Variants in NUMA1 observed in about 807,000 individuals in gnomAD.
NUMA1 encodes the protein nuclear mitotic apparatus protein 1.
Under a neutral mutation model 237.1 loss-of-function variants are expected in NUMA1, and 62 were observed. The ratio of observed to expected loss-of-function variants is 0.26; its 90% CI spans 0.21 to 0.32. NUMA1 has a LOEUF of 0.32. Among genes scored for constraint, NUMA1 ranks in the 10% least tolerant of loss-of-function variants. The pLI, the probability that NUMA1 is intolerant of heterozygous loss-of-function variation, is 1.00. For synonymous variants in NUMA1, 1,028 were observed against 1,066.1 expected (o/e 0.96, Z 0.70); for missense variants, 2,533 against 2,666.5 (o/e 0.95, Z 1.10).
intron 20 of NUMA1, chr11:72,008,335 C>T (rs1042626291): frequency 1.5e-5 from 6 of 396,066 alleles, no homozygotes; most frequent in Admixed American, 7.4e-5. Context: ...TCCTCAATGC[C>T]TTTAGGATCA....
chr11:72,010,575 G>A (rs1401046051), intron 17 of NUMA1, among the ~76,000 whole-genome samples: 1 of 152,238 alleles, frequency 6.6e-6, no homozygotes. Flanking sequence ...GAAGTGGACA[G>A]TGACAGTTGA....
At chr11:72,009,217 GA>G in intron 18 of NUMA1, 32 bp from the exon 19 acceptor site, 2 of 1,562,326 alleles carry the variant, frequency 1.3e-6, no homozygotes, top group Non-Finnish European at 8.7e-7. Context: ...GGGTGGGGTA[GA>G]GGTTGAAGGG....
At chr11:72,024,394 TCTTTGCCTC>T in intron 4 of NUMA1, 41 bp from the exon 5 acceptor site, 1 of 1,560,136 alleles carries the variant, frequency 6.4e-7, no homozygotes, top group Non-Finnish European at 8.8e-7. Context: ...TATTCAGCAA[TCTTTGCCTC>T]CTTGCTGCTG....
intron 1 of NUMA1, among the ~76,000 whole-genome samples, chr11:72,075,740 T>C (rs1439272193): frequency 1.3e-5 from 2 of 152,246 alleles, no homozygotes; most frequent in Admixed American, 6.5e-5. Context: ...GTTCACTCTA[T>C]TGTGTGGTTT....
chr11:72,043,818 C>CA lies in NUMA1; in HGVS notation c.-32-7844dup, dbSNP rs201602236. 2.8e-4 allele frequency among the ~76,000 whole-genome samples: 42 copies of CA among 152,174 alleles called. No homozygotes were observed. The East Asian group carries it at 7.9e-3, about 29-fold the overall frequency. ...AACAAATTAGTGTCTTTTTTAGTGT[C>CA]AGAGTCCCAGCTACTCAGGAGGCTA... On this transcript the variant is annotated intron_variant, in intron 2 of 26. Coordinates refer to ENST00000393695, the MANE Select transcript of NUMA1 (RefSeq NM_006185.4).
intron 2 of NUMA1, chr11:72,066,698 T>C (rs527399609): frequency 2.6e-5 from 4 of 152,366 alleles, no homozygotes; most frequent in African/African-American, 9.6e-5. Flanking sequence ...TTCCTCTATG[T>C]GCTCCCATAT....
chr11:72,014,410 C>T lies in NUMA1; in HGVS notation c.3093G>A (p.Glu1031=), dbSNP rs1197151221. The T allele has an allele frequency of 3.7e-6, 6 of 1,610,178 alleles. No individual in the cohort carries two copies. The highest frequency in any genetic ancestry group is 1.7e-5 in the Admixed American group (1 of 60,012). The change falls in exon 15 of 27, where the codon GAG becomes GAA. Residue 1031 remains glutamate, a synonymous_variant. Coordinates refer to ENST00000393695, the MANE Select transcript of NUMA1 (RefSeq NM_006185.4). The surrounding 1 kb of genome is among the most constrained non-coding windows in gnomAD (Gnocchi z 4.6). ...ALEKAARAEL[E]MRLQNALNEQ... ...CGTTGAGGGCGTTCTGCAGCCGCAT[C>T]TCAAGCTCTGCTCTGGCCGCCTTCT... is the stretch of plus-strand genomic sequence containing the variant.
Position 72,018,294 on chromosome 11 carries a change from G to C in NUMA1, c.867C>G (p.Thr289=). The part of the protein sequence containing the change: ...EELRDKNESL[T]MRLHETLKQC... The stretch of plus-strand genomic sequence containing the variant: ...GCTTCAGGGTTTCATGCAGCCGCAT[G>C]GTAAGGCTGCGAGGGAGGGAAGCAG... The change falls in exon 12 of 27, where the codon ACC becomes ACG. Residue 289 remains threonine, a synonymous_variant. Transcript: ENST00000393695. 6.2e-7 allele frequency: 1 copy of C among 1,613,428 alleles called. No homozygotes were observed. The highest frequency in any genetic ancestry group is 1.1e-5 in the South Asian group (1 of 91,076).
intron 2 of NUMA1, among the ~76,000 whole-genome samples, chr11:72,057,763 C>A (rs1455556738): frequency 2.7e-5 from 4 of 145,842 alleles, no homozygotes; most frequent in Non-Finnish European, 6.0e-5. Flanking sequence ...CAAAAAAAAA[C>A]AAAAAACAAA....
chr11:72,038,727 G>A (rs994512518), intron 2 of NUMA1, among the ~76,000 whole-genome samples: 2 of 151,946 alleles, frequency 1.3e-5, no homozygotes, highest in African/African-American at 4.8e-5. Flanking sequence ...TTGTAGCCTG[G>A]AACCATTTCA....
At position 72,015,977 on chromosome 11, in the gene NUMA1, G is replaced by A; in HGVS notation, c.1526C>T (p.Thr509Ile). The A allele has an allele frequency of 6.2e-7, 1 of 1,614,112 alleles. No individual in the cohort carries two copies. Among genetic ancestry groups the A allele is most frequent in the Non-Finnish European group, 8.5e-7 (1 of 1,180,024 alleles). Residue 509 changes from threonine to isoleucine, a missense_variant, in exon 15 of 27, where the codon ACA (threonine) becomes ATA (isoleucine). This residue lies in a region of NUMA1 where 1,414 missense variants were observed against 1,508.1 expected (regional missense o/e 0.94). Coordinates refer to ENST00000393695, the MANE Select transcript of NUMA1 (RefSeq NM_006185.4). The surrounding 1 kb of genome is among the most constrained non-coding windows in gnomAD (Gnocchi z 4.0). ...QVASLTSELT[T>I]LNATIQQQDQ... ...CTGTTGCTGGATGGTGGCATTGAGTGTGGTGAGCTCAGAGGTCAGAGAGGC... is the reference window on the plus strand; with the variant it reads ...CTGTTGCTGGATGGTGGCATTGAGTATGGTGAGCTCAGAGGTCAGAGAGGC...
intron 2 of NUMA1, among the ~76,000 whole-genome samples, chr11:72,055,225 T>TTGTTGTAAA (rs1443783766): frequency 4.6e-5 from 7 of 152,248 alleles, no homozygotes; most frequent in East Asian, 1.9e-4. Context: ...ACTAACAAAG[T>TTGTTGTAAA]GTTTCCCATT....
intron 2 of NUMA1, among the ~76,000 whole-genome samples, chr11:72,054,789 A>G (rs1266861399): frequency 6.6e-6 from 1 of 152,220 alleles, no homozygotes; most frequent in African/African-American, 2.4e-5. Flanking sequence ...AATGAAAAAT[A>G]TGATTTGGGG....
At chr11:72,029,176 G>A (rs773156428) in intron 4 of NUMA1, 29 bp downstream of exon 4, 1 of 1,544,728 alleles carries the variant, frequency 6.5e-7, no homozygotes, top group Non-Finnish European at 8.9e-7. Flanking sequence ...TTGCCTTAGA[G>A]GCTAGAAAGG....
intron 2 of NUMA1, among the ~76,000 whole-genome samples, chr11:72,056,635 T>TAAA (rs59248999): frequency 0.018 from 1,350 of 75,666 alleles, 46 homozygotes; most frequent in East Asian, 0.046. Context: ...CCCATCTCTT[T>TAAA]AAAAAAAAAA....
chr11:72,056,148 CAA>C (rs1413980730), intron 2 of NUMA1, among the ~76,000 whole-genome samples: 2 of 151,666 alleles, frequency 1.3e-5, no homozygotes, highest in Admixed American at 6.6e-5. Context: ...GACTCTGTCT[CAA>C]GAGAAACAAC....
rs759363696 is a variant in NUMA1 at position 72,015,805 on chromosome 11, C to A, written c.1698G>T (p.Gln566His). Residue 566 changes from glutamine to histidine, a missense_variant, in exon 15 of 27, where the codon CAG becomes CAT. Gln to His is a conservative substitution (Grantham distance 24). Around this residue, in one of 3 missense-constraint regions of NUMA1, gnomAD observed 1,414 missense variants for 1,508.1 expected, o/e 0.94. Coordinates refer to ENST00000393695, the MANE Select transcript of NUMA1 (RefSeq NM_006185.4). This position sits in a 1 kb window ranked among gnomAD's most constrained non-coding sequence, Gnocchi z 4.0. ...LSSSLKQKEQQLKEVAEKQEA... is the reference protein window; with the variant it reads ...LSSSLKQKEQHLKEVAEKQEA... ...CCTGCTTCTCCGCTACCTCCTTCAA[C>A]TGCTGCTCCTTCTGCTTCAGGCTAC... is the stretch of plus-strand genomic sequence containing the variant. 7 of 1,614,128 alleles carry A rather than the reference C, an allele frequency of 4.3e-6. No individual in the cohort carries two copies. In the South Asian group the frequency reaches 7.7e-5, roughly 18 times the overall value.
intron 2 of NUMA1, among the ~76,000 whole-genome samples, chr11:72,042,633 G>C (rs1311704707): frequency 1.3e-5 from 2 of 152,198 alleles, no homozygotes; most frequent in Non-Finnish European, 2.9e-5. Context: ...AGAGAGCTAG[G>C]AGAATCTTGA....
At chr11:72,008,538 C>T (rs886615966) in intron 20 of NUMA1, 150 bp downstream of exon 20, 13 of 860,856 alleles carry the variant, frequency 1.5e-5, no homozygotes, top group Non-Finnish European at 2.2e-5. Flanking sequence ...TCCAACTGTG[C>T]CCTAAATAGA....
Sources: gnomAD v4.1 joint callset for allele counts (sites outside exome capture counted in the v4.1 genomes callset) on GRCh38, gnomAD v4.1.1 for gene constraint, gnomAD v4.1.1 regional missense constraint, Gnocchi (gnomAD v3.1) non-coding constraint, MANE v1.5 for transcripts, NCBI Gene and HGNC (gene_info 2026-07-23, HGNC 2026-07-21) for gene names.